The following INTS13 variants were observed in gnomAD, a reference collection of about 807,000 sequenced individuals.
INTS13 encodes asunder, spermatogenesis regulator homolog (Drosphila).
In INTS13, 35 loss-of-function variants were observed where a neutral mutation model predicts 90.2. The observed-to-expected ratio is 0.39, with a 90% CI of 0.30 to 0.51. The LOEUF (loss-of-function observed/expected upper bound fraction) is 0.51, where lower values mean the gene tolerates loss of function less well. Ranked by LOEUF, INTS13 falls within the 20% of genes least tolerant of loss-of-function variation. The pLI is 0.80. For synonymous variants in INTS13, 309 were observed against 277.1 expected (o/e 1.11, Z -1.14); for missense variants, 601 against 851.2 (o/e 0.71, Z 3.66).
At chr12:26,907,812 G>A (rs1033603188) in intron 15 of INTS13, among the ~76,000 whole-genome samples, 2 of 152,096 alleles carry the variant, frequency 1.3e-5, no homozygotes, top group African/African-American at 2.4e-5. Flanking sequence ...CAACAAATAA[G>A]CAAAGGAAAA....
In INTS13 at chr12:26,934,571, G is replaced by T. The variant is rs1352317167; in HGVS notation, c.285C>A (p.Asp95Glu). The change falls in exon 3 of 17, where the codon GAC becomes GAA. Residue 95 changes from aspartate (D) to glutamate (E), a missense_variant. Physicochemically the swap from Asp to Glu is conservative, Grantham distance 45. Coordinates refer to ENST00000261191, the MANE Select transcript of INTS13 (RefSeq NM_018164.3). ...AHVLNSWTQE[D>E]QNLQELMAAL... ...CTAACCATACCTCCTGTAAATTTTG[G>T]TCTTCTTGAGTCCAAGAATTTAAAA... 3 of 1,612,114 alleles carry T rather than the reference G, an allele frequency of 1.9e-6. No individual in the cohort carries two copies. The East Asian group carries it at 6.7e-5, about 36-fold the overall frequency.
At chr12:26,927,698 C>G (rs1937959149) in intron 5 of INTS13, among the ~76,000 whole-genome samples, 1 of 152,144 alleles carries the variant, frequency 6.6e-6, no homozygotes, top group Admixed American at 6.5e-5. Flanking sequence ...TCAATGCAAC[C>G]TCTGCCTCCC....
Position 26,905,378 on chromosome 12 carries a change from A to T in INTS13, c.*119T>A. On this transcript the variant is annotated 3_prime_UTR_variant, in exon 17 of 17. Coordinates refer to ENST00000261191, the MANE Select transcript of INTS13 (RefSeq NM_018164.3). ...ACAAAAATGACAGCTGAAATATTTTAAAAATGTAAAAACCAGTCCAGGCAA... is the reference window on the plus strand; with the variant it reads ...ACAAAAATGACAGCTGAAATATTTTTAAAATGTAAAAACCAGTCCAGGCAA... 2 of 855,526 alleles carry T rather than the reference A, an allele frequency of 2.3e-6. No homozygotes were observed. Among genetic ancestry groups the T allele is most frequent in the South Asian group, 1.7e-5 (1 of 57,894 alleles). 53.0% of individuals were successfully genotyped at this position (855,526 alleles called of 1,614,324 possible). A position where few individuals can be genotyped will look rare whatever the true frequency, so the allele number is the denominator to read the frequency against.
At chr12:26,906,463 G>T (rs376983646) in intron 15 of INTS13, 26 bp from the exon 16 acceptor site, 5 of 1,569,584 alleles carry the variant, frequency 3.2e-6, no homozygotes, top group Middle Eastern at 2.0e-4. Context: ...AAAGGAGAGA[G>T]AAAAAAAAGA....
chr12:26,938,094 T>G (rs528226037), upstream of INTS13: 1,505 of 152,540 alleles, frequency 9.9e-3, 9 homozygotes, highest in Non-Finnish European at 0.015. Flanking sequence ...GGCGTCCCAG[T>G]CGCCGAACAG....
intron 14 of INTS13, among the ~76,000 whole-genome samples, chr12:26,911,587 T>G (rs774906798): frequency 2.0e-5 from 3 of 152,108 alleles, no homozygotes; most frequent in African/African-American, 4.8e-5. Flanking sequence ...AAATTAAAAT[T>G]TAAAAGGTAG....
intron 10 of INTS13, among the ~76,000 whole-genome samples, chr12:26,916,402 C>A (rs1488007422): frequency 6.6e-6 from 1 of 152,214 alleles, no homozygotes; most frequent in African/African-American, 2.4e-5. Flanking sequence ...CAGTTTCTCA[C>A]AACAACTATA....
chr12:26,909,516 G>A (rs75776401), intron 15 of INTS13, among the ~76,000 whole-genome samples: 3,091 of 134,786 alleles, frequency 0.023, 106 homozygotes, highest in African/African-American at 0.083. Flanking sequence ...TTACTCTGTC[G>A]CCTGGGCTGG....
chr12:26,906,108 C>T (rs1042580948), intron 16 of INTS13, among the ~76,000 whole-genome samples, 194 bp downstream of exon 16: 1 of 152,056 alleles, frequency 6.6e-6, no homozygotes, highest in African/African-American at 2.4e-5. Flanking sequence ...TAAATACTTT[C>T]AGGGTTACAA....
chr12:26,913,628 T>C lies in INTS13; in HGVS notation c.1634A>G (p.Asn545Ser), dbSNP rs750280989. The change falls in exon 14 of 17, where the codon AAC becomes AGC. Residue 545 changes from asparagine to serine, a missense_variant. By Grantham distance (46) the Asn-to-Ser change is conservative. This residue lies in a region of INTS13 where 228 missense variants were observed against 272.5 expected (regional missense o/e 0.84). Coordinates refer to ENST00000261191, the MANE Select transcript of INTS13 (RefSeq NM_018164.3). ...ELETLVRAHI[N>S]NSEKHQRVLE... ...GACTCTTTGATGTTTCTCTGAGTTGTTGATATGGGCTCTGACAAGGGTTTC... is the reference window on the plus strand; with the variant it reads ...GACTCTTTGATGTTTCTCTGAGTTGCTGATATGGGCTCTGACAAGGGTTTC... 5.5e-5 allele frequency: 88 copies of C among 1,614,162 alleles called. No individual in the cohort carries two copies. The highest frequency in any genetic ancestry group is 7.3e-5 in the Non-Finnish European group (86 of 1,180,022).
intron 1 of INTS13, 128 bp downstream of exon 1, chr12:26,937,668 C>G (rs1938547168): frequency 6.6e-6 from 1 of 152,268 alleles, no homozygotes; most frequent in African/African-American, 2.4e-5. Flanking sequence ...CTCTTGCTTT[C>G]AAGACGCATC....
chr12:26,920,831 T>C (rs976927135), intron 8 of INTS13, among the ~76,000 whole-genome samples: 5 of 152,228 alleles, frequency 3.3e-5, no homozygotes, highest in African/African-American at 4.8e-5. Context: ...TGCATCATAA[T>C]AGTTTCTTTC....
Position 26,925,761 on chromosome 12 carries a change from C to T in INTS13, c.675G>A (p.Glu225=), listed in dbSNP as rs1362165015. Residue 225 remains glutamate (E), a splice_region_variant and synonymous_variant, in exon 6 of 17, where the codon GAG becomes GAA. Transcript: ENST00000261191. ...TTTCTTTCATTATTTCAACACTCAC[C>T]TCTTTTTTAGAACGATCAGATACAA... ...DSLVSDRSKK[E]LSPVLTSEVH... The T allele has an allele frequency of 1.2e-6, 2 of 1,603,812 alleles. No homozygotes were observed. The highest frequency in any genetic ancestry group is 3.4e-5 in the Admixed American group (2 of 59,648).
At position 26,917,470 on chromosome 12, in the gene INTS13, A is replaced by G. The variant is rs572801471; in HGVS notation, c.980-29T>C. 3.0e-6 allele frequency: 4 copies of G among 1,322,370 alleles called. No individual in the cohort carries two copies. The African/African-American group carries it at 5.9e-5, about 20-fold the overall frequency. The allele number at this position is 1,322,370 out of a possible 1,614,324, so 81.9% of individuals were successfully genotyped here. A position where few individuals can be genotyped will look rare whatever the true frequency, so the allele number is the denominator to read the frequency against. On this transcript the variant is annotated intron_variant, in intron 9 of 16. Coordinates refer to ENST00000261191, the MANE Select transcript of INTS13 (RefSeq NM_018164.3). ...AAATAGAAGAAAACACTGATTTGAA[A>G]GAATATAAAGAAATATTCCCACAAT...
chr12:26,938,095 C>A (rs529211432), upstream of INTS13: 2 of 152,568 alleles, frequency 1.3e-5, no homozygotes, highest in African/African-American at 2.4e-5. Flanking sequence ...GCGTCCCAGT[C>A]GCCGAACAGG....
chr12:26,919,326 T>C (rs1346291847), intron 8 of INTS13, among the ~76,000 whole-genome samples: 2 of 151,752 alleles, frequency 1.3e-5, no homozygotes, highest in African/African-American at 2.4e-5. Context: ...TGCTTTGAGA[T>C]GAGAATAAAA....
At chr12:26,914,245 A>G (rs1032129243) in intron 12 of INTS13, 117 bp from the exon 13 acceptor site, 4 of 1,176,896 alleles carry the variant, frequency 3.4e-6, no homozygotes, top group East Asian at 5.3e-5. Context: ...GAAGGAATCT[A>G]TAACTATCAC....
rs763641604 is a variant in INTS13 at position 26,928,285 on chromosome 12, A to G, written c.504T>C (p.Ser168=). 2.1e-5 allele frequency: 34 copies of G among 1,606,102 alleles called. No individual in the cohort carries two copies. The South Asian group carries it at 2.4e-4, about 11-fold the overall frequency. ...CTTCAAGCATTCGCACATGACTATC[A>G]CTATGGCATAAAAAAGATATAGCAA... ...GRIICITNAK[S]DSHVRMLEDC... The change falls in exon 5 of 17, where the codon AGT becomes AGC. Residue 168 remains serine, a splice_region_variant and synonymous_variant. Transcript: ENST00000261191.
intron 15 of INTS13, among the ~76,000 whole-genome samples, chr12:26,908,192 T>A (rs1437318064): frequency 1.3e-5 from 2 of 151,260 alleles, no homozygotes; most frequent in Non-Finnish European, 3.0e-5. Context: ...AGGAGGAGAG[T>A]GAAGGATGAC....
Sources: allele counts gnomAD v4.1 joint callset (sites outside exome capture counted in the v4.1 genomes callset), GRCh38; gene constraint gnomAD v4.1.1; regional missense constraint gnomAD v4.1.1; transcripts MANE v1.5; gene names NCBI Gene and HGNC (gene_info 2026-07-23, HGNC 2026-07-21).